CSNK1G1: variants seen among roughly 807,000 people sequenced by gnomAD.
The protein encoded by CSNK1G1 is casein kinase I isoform gamma-1.
In CSNK1G1, 22 loss-of-function variants were observed where a neutral mutation model predicts 59.6. The ratio of observed to expected loss-of-function variants is 0.37; its 90% CI spans 0.26 to 0.53. The LOEUF is 0.53. Among genes scored for constraint, CSNK1G1 ranks in the 20% least tolerant of loss-of-function variants. The pLI, the probability that CSNK1G1 is intolerant of heterozygous loss-of-function variation, is 0.89. For synonymous variants in CSNK1G1, 179 were observed against 177.1 expected, an observed-to-expected ratio of 1.01 and a Z score of -0.08; for missense variants, 384 against 519.5, an observed-to-expected ratio of 0.74 and a Z score of 2.54.
chr15:64,289,158 C>T (rs551275254), intron 2 of CSNK1G1, among the ~76,000 whole-genome samples: 2 of 147,402 alleles, frequency 1.4e-5, no homozygotes, highest in East Asian at 2.0e-4. Context: ...CCAGCCTGGG[C>T]GAACAAGTGA....
At chr15:64,248,715 C>T (rs562213102) in intron 4 of CSNK1G1, among the ~76,000 whole-genome samples, 14 of 152,210 alleles carry the variant, frequency 9.2e-5, no homozygotes, top group Non-Finnish European at 1.5e-4. Context: ...CCAGGCACGG[C>T]GGCTCACATC....
At position 64,207,711 on chromosome 15, in the gene CSNK1G1, A is replaced by G. The variant is rs551047396; in HGVS notation, c.680-117T>C. The G allele has an allele frequency of 1.2e-4, 82 of 699,478 alleles. No individual in the cohort carries two copies. In the African/African-American group the frequency reaches 1.4e-3, roughly 12 times the overall value. 43.3% of individuals were successfully genotyped at this position (699,478 alleles called of 1,614,324 possible). On this transcript the variant is annotated intron_variant, in intron 6 of 11. Coordinates refer to ENST00000303052, the MANE Select transcript of CSNK1G1 (RefSeq NM_022048.5). ...TCTGGAAAGGCTCTGCTTACTAATTACTTGTATATTTAAACCAAGGATAGT... is the reference window on the plus strand; with the variant it reads ...TCTGGAAAGGCTCTGCTTACTAATTGCTTGTATATTTAAACCAAGGATAGT...
chr15:64,355,105 C>T (rs1898571075), intron 1 of CSNK1G1, among the ~76,000 whole-genome samples: 1 of 152,134 alleles, frequency 6.6e-6, no homozygotes, highest in African/African-American at 2.4e-5. Context: ...GCTGCAAAAG[C>T]CTTGCCTCAA....
intron 1 of CSNK1G1, among the ~76,000 whole-genome samples, chr15:64,351,647 G>C (rs1898293468): frequency 6.6e-6 from 1 of 152,206 alleles, no homozygotes; most frequent in African/African-American, 2.4e-5. Context: ...GAGAGGCTGA[G>C]GCGGGCCAAT....
chr15:64,308,761 G>C (rs1355477459), intron 1 of CSNK1G1, among the ~76,000 whole-genome samples: 1 of 152,054 alleles, frequency 6.6e-6, no homozygotes, highest in Non-Finnish European at 1.5e-5. Flanking sequence ...GCCGGTCGTG[G>C]TGACAGGCAT....
At chr15:64,262,539 A>G (rs1892750498) in intron 2 of CSNK1G1, among the ~76,000 whole-genome samples, 1 of 152,220 alleles carries the variant, frequency 6.6e-6, no homozygotes, top group African/African-American at 2.4e-5. Context: ...AAACAGAAGA[A>G]AAGCCATAAA....
At chr15:64,254,246 T>C (rs1892248420) in intron 3 of CSNK1G1, among the ~76,000 whole-genome samples, 1 of 150,942 alleles carries the variant, frequency 6.6e-6, no homozygotes, top group Non-Finnish European at 1.5e-5. Context: ...GAATGAGGAG[T>C]TAGTGTTTAA....
chr15:64,232,407 G>A (rs982779754), intron 4 of CSNK1G1, among the ~76,000 whole-genome samples: 1 of 152,138 alleles, frequency 6.6e-6, no homozygotes. Context: ...TTTGTTACTG[G>A]AACTTAAGGA....
At chr15:64,280,157 C>A (rs1013829529) in intron 2 of CSNK1G1, among the ~76,000 whole-genome samples, 1 of 152,094 alleles carries the variant, frequency 6.6e-6, no homozygotes, top group African/African-American at 2.4e-5. Context: ...CACGTATATA[C>A]GCGCGCACAC....
chr15:64,187,173 C>T (rs887302358), intron 10 of CSNK1G1, among the ~76,000 whole-genome samples: 6 of 151,556 alleles, frequency 4.0e-5, no homozygotes, highest in Admixed American at 1.3e-4. Flanking sequence ...CTTTGTTGCT[C>T]AGTCTTGTCC....
In CSNK1G1 at chr15:64,203,086, T is replaced by C. The variant is rs560750523; in HGVS notation, c.1103A>G (p.Asn368Ser). ...DRPSQQQPLR[N>S]QVVSSTNGEL... Reference sequence around the variant, plus strand: ...GAATGGAGGATCAACACATACCTGATTTCGAAGAGGCTGCTGTTGTGATGG... The same window carrying C: ...GAATGGAGGATCAACACATACCTGACTTCGAAGAGGCTGCTGTTGTGATGG... The change falls in exon 10 of 12, where the codon AAT becomes AGT. Residue 368 changes from asparagine (N) to serine (S), a missense_variant. Physicochemically the swap from Asn to Ser is conservative, Grantham distance 46. Around this residue, in one of 3 missense-constraint regions of CSNK1G1, gnomAD observed 325 missense variants for 440.9 expected, o/e 0.74. Transcript: ENST00000303052. 1.2e-6 allele frequency: 2 copies of C among 1,612,320 alleles called. No homozygotes were observed. Among genetic ancestry groups the C allele is most frequent in the East Asian group, 2.2e-5 (1 of 44,872 alleles).
intron 2 of CSNK1G1, among the ~76,000 whole-genome samples, chr15:64,279,195 T>C (rs1893986741): frequency 6.6e-6 from 1 of 152,092 alleles, no homozygotes; most frequent in African/African-American, 2.4e-5. Flanking sequence ...AATTTTTATA[T>C]ATCCATACAT....
intron 10 of CSNK1G1, among the ~76,000 whole-genome samples, chr15:64,199,104 A>G (rs2082073988): frequency 6.6e-6 from 1 of 150,904 alleles, no homozygotes; most frequent in Non-Finnish European, 1.5e-5. Flanking sequence ...AAAAAAAATT[A>G]GCTGGGCGTG....
At chr15:64,205,701 C>T (rs1002204704) in intron 7 of CSNK1G1, among the ~76,000 whole-genome samples, 51 of 152,104 alleles carry the variant, frequency 3.4e-4, no homozygotes, top group African/African-American at 1.2e-3. Context: ...TTATGGACAA[C>T]GAGAGAGTTT....
At position 64,333,124 on chromosome 15, in the gene CSNK1G1, G is replaced by A. The variant is rs566587029; in HGVS notation, c.-225+22864C>T. 4.6e-5 allele frequency among the ~76,000 whole-genome samples: 7 copies of A among 151,828 alleles called. No homozygotes were observed. The South Asian group carries it at 1.5e-3, about 32-fold the overall frequency. ...ATACAAAACTTAGCCAGGTATGGTG[G>A]CGGGCACCTGTAATGCCAGCTACTC... On this transcript the variant is annotated intron_variant, in intron 1 of 11. Coordinates refer to ENST00000303052, the MANE Select transcript of CSNK1G1 (RefSeq NM_022048.5).
chr15:64,186,283 A>C (rs1282224623), intron 10 of CSNK1G1, among the ~76,000 whole-genome samples: 1 of 151,922 alleles, frequency 6.6e-6, no homozygotes, highest in African/African-American at 2.4e-5. Context: ...ATTTTTTAAA[A>C]TTACTTTTTA....
At chr15:64,353,860 T>C (rs530641901) in intron 1 of CSNK1G1, among the ~76,000 whole-genome samples, 2 of 152,248 alleles carry the variant, frequency 1.3e-5, no homozygotes, top group Non-Finnish European at 2.9e-5. Flanking sequence ...ACAGACTTCA[T>C]GTTTCTTGGA....
Position 64,170,091 on chromosome 15 carries a change from G to C in CSNK1G1, c.*1840C>G, listed in dbSNP as rs2081647441. 1 of 152,210 alleles carries C rather than the reference G, an allele frequency of 6.6e-6. No individual in the cohort carries two copies. Among genetic ancestry groups the C allele is most frequent in the Admixed American group, 6.5e-5 (1 of 15,280 alleles). 9.4% of individuals were successfully genotyped at this position (152,210 alleles called of 1,614,324 possible). ...CTCCATGGTTAGCTCTCTACTCCCA[G>C]ATACAAGACCTCTTTCCTGATGTAA... On this transcript the variant is annotated 3_prime_UTR_variant, in exon 12 of 12. Transcript: ENST00000303052.
In CSNK1G1 at chr15:64,165,710, TCAAC is replaced by T. The variant is rs891635328; in HGVS notation, c.*6217_*6220del. On this transcript the variant is annotated 3_prime_UTR_variant, in exon 12 of 12. Transcript: ENST00000303052. Reference sequence around the variant, plus strand: ...GGGAGATTAAAAACAGACAAACCAATCAACCAACCAAACAAGCAGAAGTAGCCAA... The same window carrying T: ...GGGAGATTAAAAACAGACAAACCAATCAACCAAACAAGCAGAAGTAGCCAA... 25 of 245,496 alleles carry T rather than the reference TCAAC, an allele frequency of 1.0e-4. No homozygotes were observed. Among genetic ancestry groups the T allele is most frequent in the African/African-American group, 5.6e-4 (25 of 44,844 alleles). 15.2% of individuals were successfully genotyped at this position (245,496 alleles called of 1,614,324 possible). A position where few individuals can be genotyped will look rare whatever the true frequency, so the allele number is the denominator to read the frequency against.
Sources: gnomAD v4.1 joint callset for allele counts (sites outside exome capture counted in the v4.1 genomes callset) on GRCh38, gnomAD v4.1.1 for gene constraint, gnomAD v4.1.1 regional missense constraint, MANE v1.5 for transcripts, NCBI Gene and HGNC (gene_info 2026-07-23, HGNC 2026-07-21) for gene names.